The following SMYD3 variants were observed in gnomAD, a reference collection of about 807,000 sequenced individuals.
SMYD3 encodes SET and MYND domain containing 3.
In SMYD3, 36 loss-of-function variants were observed where a neutral mutation model predicts 57.7. The ratio of observed to expected loss-of-function variants is 0.62; its 90% CI spans 0.48 to 0.82. The LOEUF (loss-of-function observed/expected upper bound fraction) is 0.82. Among genes scored for constraint, SMYD3 ranks in the 40% least tolerant of loss-of-function variants. The pLI, the probability that SMYD3 is intolerant of heterozygous loss-of-function variation, is 0.00. For synonymous variants in SMYD3, 211 were observed against 195.0 expected, an observed-to-expected ratio of 1.08 and a Z score of -0.68; for missense variants, 515 against 538.8, an observed-to-expected ratio of 0.96 and a Z score of 0.44.
intron 10 of SMYD3, among the ~76,000 whole-genome samples, chr1:245,818,419 G>A (rs1052711802): frequency 1.1e-4 from 16 of 152,038 alleles, no homozygotes; most frequent in African/African-American, 1.9e-4. Context: ...AGGAACAACC[G>A]GTACCAGCCA....
chr1:246,488,168 G>A (rs946571094), intron 1 of SMYD3, among the ~76,000 whole-genome samples: 2 of 152,172 alleles, frequency 1.3e-5, no homozygotes, highest in African/African-American at 4.8e-5. Flanking sequence ...ATTAAAGGTA[G>A]TTATTACACA....
intron 1 of SMYD3, among the ~76,000 whole-genome samples, chr1:246,378,804 T>TATTATATATATTTATATATTATATATA (rs2066334020): frequency 9.0e-6 from 1 of 111,494 alleles, no homozygotes; most frequent in African/African-American, 3.8e-5. Flanking sequence ...TATTTTTATA[T>TATTATATATATTTATATATTATATATA]ATTATATATA....
intron 1 of SMYD3, among the ~76,000 whole-genome samples, chr1:246,444,155 C>G (rs2067514468): frequency 7.0e-6 from 1 of 142,126 alleles, no homozygotes; most frequent in Admixed American, 7.3e-5. Flanking sequence ...GAGACAGAGT[C>G]TCGTTCTGTC....
intron 5 of SMYD3, among the ~76,000 whole-genome samples, chr1:246,304,445 G>A (rs4654237): frequency 0.15 from 23,048 of 151,990 alleles, 2,254 homozygotes; most frequent in East Asian, 0.31. Flanking sequence ...TGCCATAAAA[G>A]TACATATTTC....
At chr1:245,904,774 G>A (rs932820550) in intron 8 of SMYD3, among the ~76,000 whole-genome samples, 2 of 152,048 alleles carry the variant, frequency 1.3e-5, no homozygotes, top group African/African-American at 4.8e-5. Context: ...AGCCGAGAGA[G>A]TGCTGGCGTC....
At chr1:246,253,644 G>GT (rs1378999956) in intron 5 of SMYD3, among the ~76,000 whole-genome samples, 6 of 152,228 alleles carry the variant, frequency 3.9e-5, no homozygotes, top group Non-Finnish European at 7.4e-5. Context: ...TTTCAGCAGT[G>GT]TTTTCTAGTT....
intron 5 of SMYD3, among the ~76,000 whole-genome samples, chr1:246,270,539 TC>T (rs2064201141): frequency 6.6e-6 from 1 of 152,206 alleles, no homozygotes; most frequent in Non-Finnish European, 1.5e-5. Context: ...TTTTGACTCC[TC>T]TAAGTATCTC....
intron 5 of SMYD3, among the ~76,000 whole-genome samples, chr1:246,075,643 A>G (rs925326409): frequency 6.6e-6 from 1 of 152,226 alleles, no homozygotes; most frequent in Non-Finnish European, 1.5e-5. Context: ...ATGAGACTAG[A>G]TGGAAGGCTG....
intron 5 of SMYD3, among the ~76,000 whole-genome samples, chr1:246,112,438 C>T (rs187399094): frequency 2.6e-5 from 4 of 152,232 alleles, no homozygotes; most frequent in Admixed American, 1.3e-4. Context: ...ATTTGGATTA[C>T]TTTATTTGCT....
intron 1 of SMYD3, among the ~76,000 whole-genome samples, chr1:246,387,845 A>G (rs1490292853): frequency 1.6e-5 from 2 of 128,074 alleles, no homozygotes; most frequent in Non-Finnish European, 3.4e-5. Flanking sequence ...AAAAGCATTC[A>G]TTCTTGAAAA....
At chr1:246,237,681 G>C (rs929403497) in intron 5 of SMYD3, among the ~76,000 whole-genome samples, 3 of 152,124 alleles carry the variant, frequency 2.0e-5, no homozygotes, top group African/African-American at 7.2e-5. Context: ...ACTTTAAAAA[G>C]CTGAAGTGAG....
intron 5 of SMYD3, among the ~76,000 whole-genome samples, chr1:246,166,344 G>C (rs1284206199): frequency 1.3e-5 from 2 of 152,158 alleles, no homozygotes; most frequent in African/African-American, 2.4e-5. Flanking sequence ...TCTCTCACCG[G>C]AATCATTTGC....
chr1:245,981,179 G>T (rs2058588392), intron 5 of SMYD3, among the ~76,000 whole-genome samples: 2 of 152,306 alleles, frequency 1.3e-5, no homozygotes, highest in South Asian at 4.1e-4. Flanking sequence ...AGTCTGCAAA[G>T]AATAAACATG....
intron 2 of SMYD3, among the ~76,000 whole-genome samples, chr1:246,346,216 G>A (rs536004084): frequency 2.6e-5 from 4 of 152,144 alleles, no homozygotes; most frequent in South Asian, 4.2e-4. Context: ...TCCGGGAGGC[G>A]GAGCTTGCAG....
intron 8 of SMYD3, among the ~76,000 whole-genome samples, chr1:245,878,549 C>A (rs1467986170): frequency 6.6e-6 from 1 of 152,202 alleles, no homozygotes; most frequent in African/African-American, 2.4e-5. Context: ...GGCTTTATGT[C>A]TGATGGACTC....
At chr1:246,467,262 G>GAC (rs1243556970) in intron 1 of SMYD3, among the ~76,000 whole-genome samples, 1 of 152,124 alleles carries the variant, frequency 6.6e-6, no homozygotes, top group Non-Finnish European at 1.5e-5. Flanking sequence ...GGACAGGAGA[G>GAC]ACACATCATT....
intron 10 of SMYD3, among the ~76,000 whole-genome samples, chr1:245,833,613 G>A (rs1217200417): frequency 6.6e-6 from 1 of 152,236 alleles, no homozygotes. Context: ...AGTTAAGGTA[G>A]TGTTTGCCAA....
At chr1:246,102,155 T>C (rs2061026966) in intron 5 of SMYD3, among the ~76,000 whole-genome samples, 1 of 152,204 alleles carries the variant, frequency 6.6e-6, no homozygotes, top group African/African-American at 2.4e-5. Flanking sequence ...GCTTCCACTA[T>C]GTACGTAGCT....
chr1:246,225,371 A>G (rs1033142287), intron 5 of SMYD3, among the ~76,000 whole-genome samples: 6 of 147,234 alleles, frequency 4.1e-5, no homozygotes, highest in Non-Finnish European at 7.5e-5. Context: ...AAAAGACACC[A>G]GATTTGGCAA....
Sources: gnomAD v4.1 joint callset for allele counts (sites outside exome capture counted in the v4.1 genomes callset) on GRCh38, gnomAD v4.1.1 for gene constraint, MANE v1.5 for transcripts, NCBI Gene and HGNC (gene_info 2026-07-23, HGNC 2026-07-21) for gene names.